The following CDH13 variants were observed in gnomAD, a reference collection of about 807,000 sequenced individuals.
CDH13 encodes cadherin 13, also known as cadherin-13.
Under a neutral mutation model 63.8 loss-of-function variants are expected in CDH13, and 24 were observed. The observed-to-expected ratio is 0.38, with a 90% CI of 0.27 to 0.53. The LOEUF is 0.53. Ranked by LOEUF, CDH13 falls within the 20% of genes least tolerant of loss-of-function variation. The probability of loss-of-function intolerance (pLI) is 0.85; values close to 1 mark genes in which losing one functional copy is unlikely to be tolerated. For synonymous variants in CDH13, 503 were observed against 355.3 expected (o/e 1.42, Z -4.67); for missense variants, 1,049 against 903.1 (o/e 1.16, Z -2.07).
At chr16:83,027,105 C>CA (rs997599014) in intron 2 of CDH13, among the ~76,000 whole-genome samples, 5 of 100,688 alleles carry the variant, frequency 5.0e-5, no homozygotes, top group Admixed American at 1.0e-4. Context: ...AAGGGAGACC[C>CA]CCCCCCCCCA....
chr16:82,689,195 C>G (rs751151004), intron 1 of CDH13, among the ~76,000 whole-genome samples: 8 of 151,176 alleles, frequency 5.3e-5, no homozygotes, highest in Middle Eastern at 3.4e-3. Context: ...ATAAAACCAG[C>G]CTGTCAAACT....
In CDH13 at chr16:83,489,902, C is replaced by A. The variant is rs149440220; in HGVS notation, c.960+3247C>A. Among the ~76,000 whole-genome samples the A allele has an allele frequency of 4.8e-3, 729 of 152,176 alleles. 9 individuals are homozygous for A. The highest frequency in any genetic ancestry group is 0.016 in the African/African-American group (650 of 41,510). On this transcript the variant is annotated intron_variant, in intron 7 of 13. Transcript: ENST00000567109. The stretch of plus-strand genomic sequence containing the variant: ...TTCAAGTTGATTTTAAGGTTTGTTA[C>A]CTTGTCTCCTGTCTTCATTCGCAGT...
At chr16:83,045,749 T>C (rs1031856237) in intron 3 of CDH13, among the ~76,000 whole-genome samples, 3 of 152,072 alleles carry the variant, frequency 2.0e-5, no homozygotes, top group Non-Finnish European at 1.5e-5. Flanking sequence ...CTCTATTTGA[T>C]TCTCTGTTCT....
rs1905425539 is a variant in CDH13 at position 83,250,722 on chromosome 16, A to G, written c.636+33225A>G. Among the ~76,000 whole-genome samples the G allele has an allele frequency of 1.3e-5, 2 of 152,214 alleles. 1 individual carries two copies. Among genetic ancestry groups the G allele is most frequent in the Admixed American group, 1.3e-4 (2 of 15,282 alleles). On this transcript the variant is annotated intron_variant, in intron 5 of 13. Transcript: ENST00000567109. ...GAGGAAAGCAGGACCCAGATGATAC[A>G]GAGTCTCAGAGGTTATGAGTTGGGA...
chr16:83,254,900 C>A (rs1053366414), intron 5 of CDH13, among the ~76,000 whole-genome samples: 1 of 140,502 alleles, frequency 7.1e-6, no homozygotes, highest in Non-Finnish European at 1.6e-5. Flanking sequence ...TGCTAAAACT[C>A]ATCTGTCTAA....
chr16:82,865,108 T>A (rs981429331), intron 2 of CDH13, among the ~76,000 whole-genome samples: 1 of 152,222 alleles, frequency 6.6e-6, no homozygotes, highest in Non-Finnish European at 1.5e-5. Context: ...TCTTGGGCAG[T>A]TCCACCCCCA....
At chr16:83,224,364 T>C (rs150151893) in intron 5 of CDH13, among the ~76,000 whole-genome samples, 6 of 151,924 alleles carry the variant, frequency 3.9e-5, no homozygotes, top group Middle Eastern at 6.8e-3. Context: ...TCTGTGTAGA[T>C]ACTCAGTAGT....
chr16:83,656,659 G>C (rs528949114), intron 8 of CDH13, among the ~76,000 whole-genome samples: 6 of 152,160 alleles, frequency 3.9e-5, no homozygotes, highest in Non-Finnish European at 7.4e-5. Context: ...CTTGATCAAG[G>C]CTCCTGAGCC....
intron 7 of CDH13, among the ~76,000 whole-genome samples, chr16:83,589,319 C>G (rs1291143872): frequency 7.4e-6 from 1 of 135,042 alleles, no homozygotes; most frequent in Non-Finnish European, 1.6e-5. Flanking sequence ...TCCCCTCTCC[C>G]CCTCCCTCTT....
intron 5 of CDH13, among the ~76,000 whole-genome samples, chr16:83,250,745 G>T (rs1275829297): frequency 1.3e-5 from 2 of 152,150 alleles, no homozygotes; most frequent in Non-Finnish European, 2.9e-5. Flanking sequence ...TTATGAGTTG[G>T]GATTTATTCT....
intron 1 of CDH13, among the ~76,000 whole-genome samples, chr16:82,776,820 G>T (rs2035520699): frequency 6.6e-6 from 1 of 152,138 alleles, no homozygotes; most frequent in African/African-American, 2.4e-5. Flanking sequence ...TCAACCTGGG[G>T]TGAAGACAGA....
At chr16:83,144,230 G>A (rs1263015836) in intron 4 of CDH13, among the ~76,000 whole-genome samples, 1 of 152,150 alleles carries the variant, frequency 6.6e-6, no homozygotes. Flanking sequence ...AAGTGACACA[G>A]GCTTGTACTT....
chr16:82,734,731 C>A (rs2033582319), intron 1 of CDH13, among the ~76,000 whole-genome samples: 1 of 152,158 alleles, frequency 6.6e-6, no homozygotes, highest in Non-Finnish European at 1.5e-5. Flanking sequence ...TCAGAATTGA[C>A]CCTGTTTGGC....
chr16:83,199,088 G>A lies in CDH13; in HGVS notation c.484-18257G>A, dbSNP rs144461149. On this transcript the variant is annotated intron_variant, in intron 4 of 13. Coordinates refer to ENST00000567109, the MANE Select transcript of CDH13 (RefSeq NM_001257.5). ...GTTATGGCAGCTTACAAATGGGCCC[G>A]GGTACATTTGCCTGGCTTCAAGTCA... 5.1e-3 allele frequency among the ~76,000 whole-genome samples: 783 copies of A among 152,296 alleles called. 5 individuals are homozygous for A. Among genetic ancestry groups the A allele is most frequent in the Admixed American group, 8.6e-3 (132 of 15,290 alleles).
chr16:83,447,579 T>A (rs1166058690), intron 6 of CDH13, among the ~76,000 whole-genome samples: 1 of 151,996 alleles, frequency 6.6e-6, no homozygotes, highest in Non-Finnish European at 1.5e-5. Flanking sequence ...ATACCAGATC[T>A]TTAGCAAGAT....
At chr16:82,855,064 A>G (rs1042573725) in intron 1 of CDH13, among the ~76,000 whole-genome samples, 3 of 152,192 alleles carry the variant, frequency 2.0e-5, no homozygotes, top group Non-Finnish European at 4.4e-5. Flanking sequence ...CCTTTATGTT[A>G]CAAATCATTT....
intron 7 of CDH13, among the ~76,000 whole-genome samples, chr16:83,601,363 T>G (rs1204276252): frequency 6.6e-6 from 1 of 152,200 alleles, no homozygotes; most frequent in Non-Finnish European, 1.5e-5. Context: ...GCTAGTTGTT[T>G]TGAGTATATA....
At chr16:83,321,132 A>T (rs2151894476) in intron 5 of CDH13, among the ~76,000 whole-genome samples, 1 of 152,358 alleles carries the variant, frequency 6.6e-6, no homozygotes, top group South Asian at 2.1e-4. Context: ...CTGATGTCTC[A>T]CTATTTTGAA....
intron 5 of CDH13, among the ~76,000 whole-genome samples, chr16:83,236,099 C>G (rs1018910107): frequency 1.3e-5 from 2 of 152,142 alleles, no homozygotes; most frequent in African/African-American, 4.8e-5. Context: ...ACTTTAGTCT[C>G]CAAAGTATGT....
Sources: allele counts gnomAD v4.1 joint callset (sites outside exome capture counted in the v4.1 genomes callset), GRCh38; gene constraint gnomAD v4.1.1; transcripts MANE v1.5; gene names NCBI Gene and HGNC (gene_info 2026-07-23, HGNC 2026-07-21).